Variants in TRERF1 observed in about 807,000 individuals in gnomAD.
TRERF1 encodes the protein transcriptional regulating factor 1.
Under a neutral mutation model 122.9 loss-of-function variants are expected in TRERF1, and 27 were observed. The observed-to-expected ratio is 0.22, with a 90% CI of 0.16 to 0.30. TRERF1 has a LOEUF of 0.30. Ranked by LOEUF, TRERF1 falls within the 10% of genes least tolerant of loss-of-function variation. The pLI, the probability that TRERF1 is intolerant of heterozygous loss-of-function variation, is 1.00. For synonymous variants in TRERF1, 636 were observed against 641.7 expected (o/e 0.99, Z 0.13); for missense variants, 1,248 against 1,560.3 (o/e 0.80, Z 3.37).
At chr6:42,343,096 T>A (rs1288592948) in intron 3 of TRERF1, among the ~76,000 whole-genome samples, 1 of 152,156 alleles carries the variant, frequency 6.6e-6, no homozygotes, top group Non-Finnish European at 1.5e-5. Flanking sequence ...TCTGAGCCTG[T>A]TACTGTTGAG....
At chr6:42,287,549 C>G (rs1024652608) in intron 4 of TRERF1, among the ~76,000 whole-genome samples, 7 of 152,162 alleles carry the variant, frequency 4.6e-5, no homozygotes, top group African/African-American at 1.7e-4. Context: ...CCTTTGCTCT[C>G]TCCACCTCCT....
intron 3 of TRERF1, among the ~76,000 whole-genome samples, chr6:42,350,574 T>C (rs935121210): frequency 6.6e-6 from 1 of 152,176 alleles, no homozygotes; most frequent in African/African-American, 2.4e-5. Flanking sequence ...CTTAGACCAG[T>C]GCCCCAAATC....
chr6:42,312,784 G>C (rs1473887850), intron 3 of TRERF1, among the ~76,000 whole-genome samples: 1 of 152,154 alleles, frequency 6.6e-6, no homozygotes, highest in South Asian at 2.1e-4. Flanking sequence ...TGCCGGGTGT[G>C]GTGTTTGGAA....
Position 42,389,056 on chromosome 6 carries a change from C to T in TRERF1, c.-453-25977G>A, listed in dbSNP as rs74991038. ...GGCCTTAAACACAATCTGAGAATGACAAAGACAAAATACCATGGACATAAG... is the reference window on the plus strand; with the variant it reads ...GGCCTTAAACACAATCTGAGAATGATAAAGACAAAATACCATGGACATAAG... On this transcript the variant is annotated intron_variant, in intron 2 of 17. Coordinates refer to ENST00000372922, the Ensembl canonical transcript of TRERF1. Among the ~76,000 whole-genome samples the T allele has an allele frequency of 5.3e-3, 806 of 152,126 alleles. 5 individuals carry two copies. The highest frequency in any genetic ancestry group is 0.018 in the African/African-American group (747 of 41,494).
chr6:42,238,784 A>G (rs953602521), intron 15 of TRERF1, among the ~76,000 whole-genome samples: 7 of 151,812 alleles, frequency 4.6e-5, no homozygotes, highest in African/African-American at 1.7e-4. Context: ...TTAGTCACTA[A>G]TAATAATGAT....
intron 2 of TRERF1, among the ~76,000 whole-genome samples, chr6:42,441,020 C>T (rs554472604): frequency 1.3e-5 from 2 of 152,108 alleles, no homozygotes; most frequent in Non-Finnish European, 2.9e-5. Flanking sequence ...ACATGCCTGC[C>T]GCTTTATCAC....
In TRERF1 at chr6:42,259,895, C is replaced by T. The variant is rs1284865552; in HGVS notation, c.1885-172G>A. Among the ~76,000 whole-genome samples the T allele has an allele frequency of 1.3e-5, 2 of 151,284 alleles. No individual in the cohort carries two copies. Among genetic ancestry groups the T allele is most frequent in the Admixed American group, 1.3e-4 (2 of 15,238 alleles). ...ACATCCATTTTAGGCAAAGCGAGTT[C>T]TGGTTGCTAGACTAGGGAGAAAACT... On this transcript the variant is annotated intron_variant, in intron 8 of 17. Transcript: ENST00000372922. This position sits in a 1 kb window ranked among gnomAD's most constrained non-coding sequence, Gnocchi z 4.9.
chr6:42,365,425 G>A (rs529966252), intron 2 of TRERF1, among the ~76,000 whole-genome samples: 64 of 152,228 alleles, frequency 4.2e-4, no homozygotes, highest in Non-Finnish European at 8.2e-4. Flanking sequence ...ATCTCTTTCT[G>A]TGAAGGCTTC....
At chr6:42,425,516 C>A (rs1004278290) in intron 2 of TRERF1, among the ~76,000 whole-genome samples, 3 of 148,010 alleles carry the variant, frequency 2.0e-5, no homozygotes, top group Non-Finnish European at 3.0e-5. Context: ...TAAACCGACA[C>A]GGCCCCCTGG....
chr6:42,437,927 A>T (rs544498789), intron 2 of TRERF1, among the ~76,000 whole-genome samples: 41 of 151,706 alleles, frequency 2.7e-4, no homozygotes, highest in African/African-American at 4.4e-4. Flanking sequence ...TTATTTATTT[A>T]TTATTTATTT....
intron 4 of TRERF1, among the ~76,000 whole-genome samples, chr6:42,291,531 G>C (rs951209000): frequency 6.6e-6 from 1 of 151,416 alleles, no homozygotes; most frequent in Non-Finnish European, 1.5e-5. Flanking sequence ...TTTCGTTTTT[G>C]TTGTTTGTTT....
intron 2 of TRERF1, among the ~76,000 whole-genome samples, chr6:42,402,966 G>A (rs1298918834): frequency 6.6e-6 from 1 of 152,096 alleles, no homozygotes; most frequent in African/African-American, 2.4e-5. Context: ...GAGGCTCTCA[G>A]CCACCAAGTT....
At chr6:42,248,295 G>T (rs1029648282) in intron 13 of TRERF1, among the ~76,000 whole-genome samples, 8 of 152,140 alleles carry the variant, frequency 5.3e-5, no homozygotes, top group African/African-American at 1.9e-4. Context: ...GCTGGGCGGG[G>T]TCAGACATCT....
chr6:42,313,142 C>T (rs1256594067), intron 3 of TRERF1, among the ~76,000 whole-genome samples: 1 of 152,124 alleles, frequency 6.6e-6, no homozygotes, highest in Admixed American at 6.6e-5. Context: ...TCCTTCCAGC[C>T]CACACTTCCA....
At chr6:42,352,014 T>C (rs1045396098) in intron 3 of TRERF1, among the ~76,000 whole-genome samples, 2 of 152,184 alleles carry the variant, frequency 1.3e-5, no homozygotes, top group Non-Finnish European at 2.9e-5. Context: ...GTTGTTGTTG[T>C]TGTTTTTGAG....
At position 42,360,770 on chromosome 6, in the gene TRERF1, T is replaced by TAAAAAAAA. The variant is rs1491517636; in HGVS notation, c.-371+2226_-371+2227insTTTTTTTT. ...ACCCAGGGAGGAAGGAGTGGAGAGA[T>TAAAAAAAA]TAAAAAAAAAAAAAAAAAAAAAAAA... On this transcript the variant is annotated intron_variant, in intron 3 of 17. Coordinates refer to ENST00000372922, the Ensembl canonical transcript of TRERF1. 3.9e-4 allele frequency among the ~76,000 whole-genome samples: 25 copies of TAAAAAAAA among 64,094 alleles called. 7 individuals are homozygous for TAAAAAAAA. Among genetic ancestry groups the TAAAAAAAA allele is most frequent in the African/African-American group, 1.1e-3 (24 of 21,628 alleles). 42.0% of individuals were successfully genotyped at this position (64,094 alleles called of 152,430 possible). A position where few individuals can be genotyped will look rare whatever the true frequency, so the allele number is the denominator to read the frequency against.
intron 3 of TRERF1, among the ~76,000 whole-genome samples, chr6:42,344,977 G>A (rs911967050): frequency 1.3e-5 from 2 of 152,174 alleles, no homozygotes; most frequent in African/African-American, 4.8e-5. Flanking sequence ...TGCTGGACAC[G>A]TGGTAAGCAT....
chr6:42,416,242 G>C (rs1260998220), intron 2 of TRERF1, among the ~76,000 whole-genome samples: 2 of 151,976 alleles, frequency 1.3e-5, no homozygotes, highest in Non-Finnish European at 2.9e-5. Context: ...AATTACACCA[G>C]CTTATCCCCA....
At chr6:42,282,264 G>A (rs1782430997) in intron 4 of TRERF1, among the ~76,000 whole-genome samples, 1 of 152,184 alleles carries the variant, frequency 6.6e-6, no homozygotes, top group South Asian at 2.1e-4. Flanking sequence ...AACTAACAAG[G>A]AGACTGGGCA....
Sources: allele counts gnomAD v4.1 joint callset (sites outside exome capture counted in the v4.1 genomes callset), GRCh38; gene constraint gnomAD v4.1.1; non-coding constraint Gnocchi (gnomAD v3.1); transcripts MANE v1.5; gene names NCBI Gene and HGNC (gene_info 2026-07-23, HGNC 2026-07-21).